Variants in CNTNAP2 observed in about 807,000 individuals in gnomAD.
The protein encoded by CNTNAP2 is contactin-associated protein-like 2.
Under a neutral mutation model 155.2 loss-of-function variants are expected in CNTNAP2, and 98 were observed. The ratio of observed to expected loss-of-function variants is 0.63; its 90% confidence interval spans 0.54 to 0.75. CNTNAP2 has a LOEUF of 0.75. Ranked by LOEUF, CNTNAP2 falls within the 30% of genes least tolerant of loss-of-function variation. The probability of loss-of-function intolerance (pLI) is 0.00; values close to 1 mark genes in which losing one functional copy is unlikely to be tolerated. For missense variants in CNTNAP2, 1,727 were observed against 1,688.1 expected (o/e 1.02, Z -0.40); for synonymous variants, 651 against 631.2 (o/e 1.03, Z -0.47).
intron 4 of CNTNAP2, among the ~76,000 whole-genome samples, chr7:147,087,804 C>G (rs1335246911): frequency 6.6e-6 from 1 of 151,886 alleles, no homozygotes; most frequent in Non-Finnish European, 1.5e-5. Flanking sequence ...GGTGAAACCC[C>G]ATCTCTACTA....
At chr7:146,760,878 G>A (rs1802086302) in intron 1 of CNTNAP2, among the ~76,000 whole-genome samples, 1 of 151,980 alleles carries the variant, frequency 6.6e-6, no homozygotes, top group African/African-American at 2.4e-5. Flanking sequence ...CCGTTTCAGT[G>A]GTTTCTCAAG....
At chr7:148,363,964 C>T (rs968552442) in intron 21 of CNTNAP2, among the ~76,000 whole-genome samples, 2 of 152,294 alleles carry the variant, frequency 1.3e-5, no homozygotes, top group East Asian at 1.9e-4. Context: ...CCAGTGGCTG[C>T]GGAGGGTGTA....
intron 8 of CNTNAP2, among the ~76,000 whole-genome samples, chr7:147,134,600 C>A (rs904445504): frequency 6.6e-6 from 1 of 151,058 alleles, no homozygotes; most frequent in African/African-American, 2.4e-5. Flanking sequence ...AAAAATTCAA[C>A]CATTTAAAAA....
intron 18 of CNTNAP2, among the ~76,000 whole-genome samples, chr7:148,214,156 G>A (rs1019571221): frequency 6.6e-6 from 1 of 152,158 alleles, no homozygotes; most frequent in Non-Finnish European, 1.5e-5. Flanking sequence ...ACCTGATCCT[G>A]CACTTACCCC....
At chr7:146,977,935 A>G (rs1271932361) in intron 3 of CNTNAP2, among the ~76,000 whole-genome samples, 3 of 152,180 alleles carry the variant, frequency 2.0e-5, no homozygotes, top group Non-Finnish European at 4.4e-5. Flanking sequence ...TTAAAAATAA[A>G]AAGGGATTGA....
At chr7:147,773,496 A>G (rs1797507625) in intron 13 of CNTNAP2, among the ~76,000 whole-genome samples, 1 of 152,132 alleles carries the variant, frequency 6.6e-6, no homozygotes, top group South Asian at 2.1e-4. Context: ...AAAACAAAAC[A>G]AAACAAAACA....
At chr7:147,242,295 C>G (rs1304629822) in intron 8 of CNTNAP2, among the ~76,000 whole-genome samples, 1 of 152,158 alleles carries the variant, frequency 6.6e-6, no homozygotes, top group Admixed American at 6.5e-5. Context: ...TAATACAGGT[C>G]TTTGTTCTAC....
intron 13 of CNTNAP2, among the ~76,000 whole-genome samples, chr7:147,665,415 A>G (rs929430935): frequency 2.0e-5 from 3 of 152,242 alleles, no homozygotes; most frequent in Non-Finnish European, 4.4e-5. Context: ...CTGCCACTAG[A>G]AACATTCTTG....
rs376639340 is a variant in CNTNAP2, at chr7:146,933,104, C to A, written c.402+93200C>A. ...AAAAACTACTTTAAAGTTCATATGGCACCAAAAAAGAGCCCGCATCGCCAA... is the reference window on the plus strand; with the variant it reads ...AAAAACTACTTTAAAGTTCATATGGAACCAAAAAAGAGCCCGCATCGCCAA... On this transcript the variant is annotated intron_variant, in intron 3 of 23. Transcript: ENST00000361727. Among the ~76,000 whole-genome samples the A allele has an allele frequency of 5.3e-4, 81 of 152,012 alleles. No homozygotes were observed. The East Asian group carries it at 0.013, about 25-fold the overall frequency.
intron 12 of CNTNAP2, among the ~76,000 whole-genome samples, chr7:147,593,143 A>C (rs1800770218): frequency 6.6e-6 from 1 of 152,112 alleles, no homozygotes; most frequent in Non-Finnish European, 1.5e-5. Flanking sequence ...GAAATGAAAA[A>C]GGAACAGACA....
At chr7:146,472,350 G>T (rs1796812168) in intron 1 of CNTNAP2, among the ~76,000 whole-genome samples, 1 of 152,066 alleles carries the variant, frequency 6.6e-6, no homozygotes, top group Non-Finnish European at 1.5e-5. Flanking sequence ...ATATTTTAAA[G>T]AAAAATCACA....
intron 13 of CNTNAP2, among the ~76,000 whole-genome samples, chr7:147,711,272 A>G (rs1407516052): frequency 6.6e-6 from 1 of 152,194 alleles, no homozygotes; most frequent in Non-Finnish European, 1.5e-5. Context: ...TTTGAAAAGA[A>G]ACCCAAATTC....
intron 3 of CNTNAP2, among the ~76,000 whole-genome samples, chr7:146,962,416 G>A (rs1797573123): frequency 6.6e-6 from 1 of 152,158 alleles, no homozygotes; most frequent in Non-Finnish European, 1.5e-5. Context: ...AGATGATGCA[G>A]GATTGAAGGT....
chr7:147,875,275 C>T (rs1298613194), intron 13 of CNTNAP2, among the ~76,000 whole-genome samples: 3 of 152,206 alleles, frequency 2.0e-5, no homozygotes, highest in Non-Finnish European at 4.4e-5. Context: ...TACACTTCCA[C>T]ATGGCTGGGA....
chr7:147,045,807 C>T (rs184127014), intron 4 of CNTNAP2, among the ~76,000 whole-genome samples: 1 of 152,032 alleles, frequency 6.6e-6, no homozygotes, highest in East Asian at 1.9e-4. Context: ...TAAATAAATA[C>T]AGACACACAC....
chr7:146,227,389 C>T (rs1250409812), intron 1 of CNTNAP2, among the ~76,000 whole-genome samples: 2 of 139,934 alleles, frequency 1.4e-5, no homozygotes, highest in Non-Finnish European at 3.0e-5. Context: ...TGTGCCACTG[C>T]ACTCCAGCCT....
intron 3 of CNTNAP2, among the ~76,000 whole-genome samples, chr7:146,929,838 A>G (rs1158753720): frequency 6.6e-6 from 1 of 152,244 alleles, no homozygotes; most frequent in Admixed American, 6.5e-5. Context: ...AAAGGGTATC[A>G]GTGATGGAAG....
intron 1 of CNTNAP2, among the ~76,000 whole-genome samples, chr7:146,249,559 A>G (rs1240921208): frequency 1.3e-5 from 2 of 152,152 alleles, no homozygotes; most frequent in South Asian, 2.1e-4. Flanking sequence ...AATTACTCCT[A>G]TGCCACTTTC....
At chr7:146,676,162 A>C (rs1439371310) in intron 1 of CNTNAP2, among the ~76,000 whole-genome samples, 1 of 152,168 alleles carries the variant, frequency 6.6e-6, no homozygotes, top group Non-Finnish European at 1.5e-5. Flanking sequence ...TATATCATAA[A>C]TCAGTTTGTT....
Sources: allele counts gnomAD v4.1 joint callset (sites outside exome capture counted in the v4.1 genomes callset), GRCh38; gene constraint gnomAD v4.1.1; transcripts MANE v1.5; gene names NCBI Gene and HGNC (gene_info 2026-07-23, HGNC 2026-07-21).